The following MARCHF11 variants were observed in gnomAD, a reference collection of about 807,000 sequenced individuals.
MARCHF11 encodes membrane associated ring-CH-type finger 11, also known as E3 ubiquitin-protein ligase MARCHF11.
MARCHF11 carries 29 observed loss-of-function variants against 37.3 expected under a neutral mutation model. The observed-to-expected ratio is 0.78, with a 90% CI of 0.58 to 1.06. MARCHF11 has a LOEUF of 1.06. Ranked by LOEUF, MARCHF11 falls within the 50% of genes least tolerant of loss-of-function variation. The pLI is 0.00. For synonymous variants in MARCHF11, 233 were observed against 228.0 expected, an observed-to-expected ratio of 1.02 and a Z score of -0.20; for missense variants, 482 against 533.4, an observed-to-expected ratio of 0.90 and a Z score of 0.95.
chr5:16,167,344 C>T (rs1303242214), intron 2 of MARCHF11, among the ~76,000 whole-genome samples: 9 of 152,072 alleles, frequency 5.9e-5, no homozygotes, highest in Non-Finnish European at 1.0e-4. Flanking sequence ...GATCTGAAAG[C>T]CTACCAGTCC....
In MARCHF11 at chr5:16,179,238, GC is replaced by G; in HGVS notation, c.337del (p.Ala113GlnfsTer71). 7.4e-7 allele frequency: 1 copy of G among 1,343,978 alleles called. No homozygotes were observed. Among genetic ancestry groups the G allele is most frequent in the South Asian group, 1.8e-5 (1 of 55,708 alleles). The allele number at this position is 1,343,978 out of a possible 1,614,324, so 83.3% of individuals were successfully genotyped here. A position where few individuals can be genotyped will look rare whatever the true frequency, so the allele number is the denominator to read the frequency against. On this transcript the variant is annotated frameshift_variant, in exon 1 of 4. Transcript: ENST00000332432. LOFTEE classifies it high-confidence loss of function. ...CTCCCCGGGGCCGCCTTTCGCTGCT[GC>G]CGCCTCCGGGAGGCGCCTCGGACCT... is the stretch of plus-strand genomic sequence containing the variant. ...GEGPRRLPEA[A>X]AAKGGPGESE...
Position 16,125,416 on chromosome 5 carries a change from C to T in MARCHF11, c.694-34335G>A, listed in dbSNP as rs147312073. ...CATCATTATCCTGGAACTCTCTATG[C>T]GATAAAGAGTCCCCAAAATGGCCCC... On this transcript the variant is annotated intron_variant, in intron 2 of 3. Coordinates refer to ENST00000332432, the MANE Select transcript of MARCHF11 (RefSeq NM_001102562.3). Among the ~76,000 whole-genome samples, 10 of 152,196 alleles carry T rather than the reference C, an allele frequency of 6.6e-5. No individual in the cohort carries two copies. In the East Asian group the frequency reaches 7.7e-4, roughly 12 times the overall value.
intron 3 of MARCHF11, among the ~76,000 whole-genome samples, chr5:16,079,611 G>C (rs1736573497): frequency 6.6e-6 from 1 of 152,180 alleles, no homozygotes; most frequent in African/African-American, 2.4e-5. Flanking sequence ...CTGGCCTCAA[G>C]GAGGTGCTCA....
chr5:16,093,168 G>A (rs1266243768), intron 2 of MARCHF11, among the ~76,000 whole-genome samples: 1 of 152,090 alleles, frequency 6.6e-6, no homozygotes. Context: ...ACTTTCATAT[G>A]GTGGGCCGCA....
intron 2 of MARCHF11, among the ~76,000 whole-genome samples, chr5:16,098,293 C>G (rs143344491): frequency 5.0e-4 from 76 of 152,250 alleles, no homozygotes; most frequent in Non-Finnish European, 9.1e-4. Flanking sequence ...CGACCTTGCA[C>G]TGGGTGTCCT....
intron 3 of MARCHF11, among the ~76,000 whole-genome samples, chr5:16,078,733 A>T (rs1188304247): frequency 6.6e-6 from 1 of 152,210 alleles, no homozygotes; most frequent in Non-Finnish European, 1.5e-5. Flanking sequence ...GGATGGGGAC[A>T]GGTGGCTCTT....
chr5:16,067,631 G>A lies in MARCHF11; in HGVS notation c.1049C>T (p.Ala350Val), dbSNP rs771935921. 6.2e-7 allele frequency: 1 copy of A among 1,613,950 alleles called. No individual in the cohort carries two copies. Among genetic ancestry groups the A allele is most frequent in the South Asian group, 1.1e-5 (1 of 91,088 alleles). ...TSRTLWLPLTALRNRNLVHPT... is the reference protein window; with the variant it reads ...TSRTLWLPLTVLRNRNLVHPT... ...GTGGACCAAGTTTCTGTTCCGCAGA[G>A]CTGTCAATGGCAACCACAAAGTCCT... Residue 350 changes from alanine to valine, a missense_variant, in exon 4 of 4, where the codon GCT becomes GTT. Transcript: ENST00000332432.
At chr5:16,143,935 C>G (rs1024496719) in intron 2 of MARCHF11, among the ~76,000 whole-genome samples, 6 of 152,154 alleles carry the variant, frequency 3.9e-5, no homozygotes, top group African/African-American at 1.2e-4. Flanking sequence ...GTCAGTAGAT[C>G]CCACAGGTCC....
intron 2 of MARCHF11, among the ~76,000 whole-genome samples, chr5:16,106,675 G>A (rs945196630): frequency 6.6e-6 from 1 of 152,186 alleles, no homozygotes; most frequent in Non-Finnish European, 1.5e-5. Context: ...GGAGGTGTTT[G>A]ATAATATCTG....
At chr5:16,131,209 G>C (rs1737509463) in intron 2 of MARCHF11, among the ~76,000 whole-genome samples, 1 of 152,182 alleles carries the variant, frequency 6.6e-6, no homozygotes, top group African/African-American at 2.4e-5. Context: ...AATGTTTAAG[G>C]AAGAAAGCAA....
rs116110382 is a variant in MARCHF11, at chr5:16,079,892, C to T, written c.886+10997G>A. Among the ~76,000 whole-genome samples the T allele has an allele frequency of 4.5e-3, 692 of 152,282 alleles. 7 individuals carry two copies. The highest frequency in any genetic ancestry group is 0.016 in the African/African-American group (652 of 41,544). The stretch of plus-strand genomic sequence containing the variant: ...GATCCCTCCTGTGCAAGGCAAAGCC[C>T]TTCCTGGGTGCTGGGCTCTCGTCTC... On this transcript the variant is annotated intron_variant, in intron 3 of 3. Transcript: ENST00000332432.
intron 2 of MARCHF11, among the ~76,000 whole-genome samples, chr5:16,103,007 T>TA (rs1560975364): frequency 6.6e-6 from 1 of 151,818 alleles, no homozygotes; most frequent in Non-Finnish European, 1.5e-5. Flanking sequence ...TCTGACCCTT[T>TA]AAGCATCTAA....
chr5:16,086,471 T>G (rs1176812077), intron 3 of MARCHF11, among the ~76,000 whole-genome samples: 1 of 152,336 alleles, frequency 6.6e-6, no homozygotes, highest in African/African-American at 2.4e-5. Flanking sequence ...CAATCCGTGT[T>G]TTTAAGTGTT....
At chr5:16,128,760 G>A (rs182211639) in intron 2 of MARCHF11, among the ~76,000 whole-genome samples, 1 of 152,264 alleles carries the variant, frequency 6.6e-6, no homozygotes, top group Non-Finnish European at 1.5e-5. Context: ...TTGTGTGTGT[G>A]TATGCATGTG....
chr5:16,153,118 G>T (rs1442639536), intron 2 of MARCHF11, among the ~76,000 whole-genome samples: 3 of 151,946 alleles, frequency 2.0e-5, no homozygotes. Context: ...GCACAGAAAA[G>T]GTAAGGGTCA....
At chr5:16,084,634 C>T (rs951196135) in intron 3 of MARCHF11, among the ~76,000 whole-genome samples, 1 of 149,126 alleles carries the variant, frequency 6.7e-6, no homozygotes, top group African/African-American at 2.5e-5. Flanking sequence ...CAGAGCAAGA[C>T]TCTGTGTCAA....
At chr5:16,071,632 G>A (rs1003898594) in intron 3 of MARCHF11, among the ~76,000 whole-genome samples, 14 of 152,124 alleles carry the variant, frequency 9.2e-5, no homozygotes, top group Non-Finnish European at 4.4e-5. Context: ...TCACATACTC[G>A]TGCACACACA....
intron 3 of MARCHF11, among the ~76,000 whole-genome samples, chr5:16,070,442 G>A (rs758775102): frequency 1.3e-5 from 2 of 152,052 alleles, no homozygotes; most frequent in Admixed American, 6.6e-5. Flanking sequence ...ACACACATTC[G>A]CACTAATCCC....
At chr5:16,139,630 T>C (rs1579406481) in intron 2 of MARCHF11, among the ~76,000 whole-genome samples, 4 of 151,946 alleles carry the variant, frequency 2.6e-5, no homozygotes, top group Admixed American at 2.0e-4. Context: ...GCAAATACCA[T>C]CCAATAAAAA....
Sources: gnomAD v4.1 joint callset for allele counts (sites outside exome capture counted in the v4.1 genomes callset) on GRCh38, gnomAD v4.1.1 for gene constraint, MANE v1.5 for transcripts, NCBI Gene and HGNC (gene_info 2026-07-23, HGNC 2026-07-21) for gene names.